DGCR2: variants seen among roughly 807,000 people sequenced by gnomAD.
DGCR2 encodes DiGeorge syndrome critical region gene 2, also known as integral membrane protein DGCR2/IDD.
DGCR2 carries 24 observed loss-of-function variants against 51.6 expected under a neutral mutation model. The observed-to-expected ratio is 0.47, with a 90% CI of 0.34 to 0.65. The LOEUF is 0.65. Among genes scored for constraint, DGCR2 ranks in the 30% least tolerant of loss-of-function variants. The pLI, the probability that DGCR2 is intolerant of heterozygous loss-of-function variation, is 0.01. For synonymous variants in DGCR2, 340 were observed against 315.4 expected (o/e 1.08, Z -0.82); for missense variants, 765 against 772.1 (o/e 0.99, Z 0.11).
chr22:19,063,069 A>C, intron 5 of DGCR2, 133 bp downstream of exon 5: 2 of 769,130 alleles, frequency 2.6e-6, no homozygotes, highest in Non-Finnish European at 4.3e-6. Flanking sequence ...CCCTCCCTGC[A>C]ACTGGGGCTC....
At chr22:19,119,113 C>A (rs1446836771) in intron 1 of DGCR2, among the ~76,000 whole-genome samples, 2 of 152,104 alleles carry the variant, frequency 1.3e-5, no homozygotes, top group Non-Finnish European at 2.9e-5. Flanking sequence ...ACCCTGGGAC[C>A]TAACAGGGGA....
chr22:19,054,033 G>T (rs930943378), intron 6 of DGCR2, among the ~76,000 whole-genome samples: 1 of 152,210 alleles, frequency 6.6e-6, no homozygotes, highest in Non-Finnish European at 1.5e-5. Context: ...CAAGAGACAT[G>T]ATGACTAGAT....
rs117029166 is a variant in DGCR2, at chr22:19,069,562, T to C, written c.203-1337A>G. Among the ~76,000 whole-genome samples the C allele has an allele frequency of 4.5e-4, 68 of 152,372 alleles. No individual in the cohort carries two copies. In the East Asian group the frequency reaches 0.012, roughly 27 times the overall value. ...TACTGGGATCACATCAGACACTCCA[T>C]TTCACGACTTGCTTTGTAAGCTTAA... On this transcript the variant is annotated intron_variant, in intron 2 of 9. Coordinates refer to ENST00000263196, the MANE Select transcript of DGCR2 (RefSeq NM_005137.3).
intron 3 of DGCR2, among the ~76,000 whole-genome samples, chr22:19,065,365 T>C (rs1301034736): frequency 6.6e-6 from 1 of 152,230 alleles, no homozygotes; most frequent in Non-Finnish European, 1.5e-5. Context: ...GTGGATTTCA[T>C]TCTCTGGGTT....
chr22:19,062,892 G>A (rs1044645092), intron 5 of DGCR2, among the ~76,000 whole-genome samples: 26 of 151,714 alleles, frequency 1.7e-4, no homozygotes, highest in Non-Finnish European at 3.8e-4. Context: ...GCCTGCCAGG[G>A]GCACACTCTG....
At position 19,089,368 on chromosome 22, in the gene DGCR2, C is replaced by G; in HGVS notation, c.202G>C (p.Glu68Gln). ...TACCCCGCCTACTCAACACACTCAC[C>G]TGGACAGTTGGCTTCGTCGCTCTCA... ...EDESDEANCP[E>Q]VTGEVRPHHG... is the part of the protein sequence containing the mutation. The change falls in exon 2 of 10, where the codon GAA becomes CAA. Residue 68 changes from glutamate (E) to glutamine (Q), a missense_variant and splice_region_variant. By Grantham distance (29) the Glu-to-Gln change is conservative. This residue lies in a region of DGCR2 where 370 missense variants were observed against 325.5 expected (regional missense o/e 1.14). Coordinates refer to ENST00000263196, the MANE Select transcript of DGCR2 (RefSeq NM_005137.3). 6.2e-7 allele frequency: 1 copy of G among 1,603,340 alleles called. No individual in the cohort carries two copies. The highest frequency in any genetic ancestry group is 8.5e-7 in the Non-Finnish European group (1 of 1,174,240).
intron 1 of DGCR2, 111 bp from the exon 2 acceptor site, chr22:19,089,601 A>G: frequency 8.0e-7 from 1 of 1,242,550 alleles, no homozygotes; most frequent in Non-Finnish European, 1.0e-6. Flanking sequence ...TGTTTTTGAG[A>G]CAGAGTCTCA....
rs928477761 is a variant in DGCR2, at chr22:19,038,086, A to G, written c.*779T>C. ...GCAGAGCATCTGGGGCCTCGGCCCC[A>G]CTCCAGAGCTTCTTCCTGAGGGAGC... is the stretch of plus-strand genomic sequence containing the variant. On this transcript the variant is annotated 3_prime_UTR_variant, in exon 10 of 10. Transcript: ENST00000263196. The G allele has an allele frequency of 2.0e-5, 3 of 152,362 alleles. No homozygotes were observed. Among genetic ancestry groups the G allele is most frequent in the African/African-American group, 2.4e-5 (1 of 41,414 alleles). The allele number at this position is 152,362 out of a possible 1,614,324, so 9.4% of individuals were successfully genotyped here.
At chr22:19,090,811 GAA>G (rs58088390) in intron 1 of DGCR2, among the ~76,000 whole-genome samples, 9 of 147,000 alleles carry the variant, frequency 6.1e-5, no homozygotes, top group Non-Finnish European at 1.0e-4. Flanking sequence ...CCAAAAGAAG[GAA>G]AAAAAAAAGA....
chr22:19,063,860 T>C (rs2082716943), intron 4 of DGCR2, among the ~76,000 whole-genome samples: 1 of 152,186 alleles, frequency 6.6e-6, no homozygotes, highest in Non-Finnish European at 1.5e-5. Flanking sequence ...GTGACTATGC[T>C]AAAACCATAG....
chr22:19,073,890 G>C (rs1308988313), intron 2 of DGCR2, among the ~76,000 whole-genome samples: 4 of 152,178 alleles, frequency 2.6e-5, no homozygotes, highest in African/African-American at 9.7e-5. Flanking sequence ...AACGCAAGGA[G>C]ACACAGGTGA....
intron 2 of DGCR2, among the ~76,000 whole-genome samples, chr22:19,078,658 G>T (rs73877031): frequency 1.3e-5 from 2 of 152,172 alleles, no homozygotes; most frequent in African/African-American, 4.8e-5. Context: ...TAGAGGAAAA[G>T]CTTTCAGTCT....
chr22:19,081,328 TTTTC>T (rs1262845954), intron 2 of DGCR2, among the ~76,000 whole-genome samples: 4 of 152,226 alleles, frequency 2.6e-5, no homozygotes, highest in Admixed American at 6.5e-5. Flanking sequence ...GCGCTTATTT[TTTTC>T]TTTTAGTTTA....
intron 2 of DGCR2, among the ~76,000 whole-genome samples, chr22:19,068,823 T>G (rs2082780836): frequency 6.6e-6 from 1 of 152,268 alleles, no homozygotes; most frequent in African/African-American, 2.4e-5. Flanking sequence ...TCTCAGTGCA[T>G]GGCTAGAAGG....
intron 1 of DGCR2, among the ~76,000 whole-genome samples, chr22:19,101,737 T>TA (rs764584649): frequency 0.016 from 1,787 of 110,970 alleles, 19 homozygotes; most frequent in East Asian, 0.019. Flanking sequence ...GCAAAACTGT[T>TA]AAAAAAAAAA....
rs2082396923 is a variant in DGCR2 at position 19,038,691 on chromosome 22, C to G, written c.*174G>C. 5 of 823,418 alleles carry G rather than the reference C, an allele frequency of 6.1e-6. No homozygotes were observed. The South Asian group carries it at 9.1e-5, about 15-fold the overall frequency. 51.0% of individuals were successfully genotyped at this position (823,418 alleles called of 1,614,324 possible). A position where few individuals can be genotyped will look rare whatever the true frequency, so the allele number is the denominator to read the frequency against. On this transcript the variant is annotated 3_prime_UTR_variant, in exon 10 of 10. Transcript: ENST00000263196. The stretch of plus-strand genomic sequence containing the variant: ...CAAGGAAGCTCGGTGCAGGCCATCA[C>G]TTCTTTTGGCAGAAGGCGGGCTGTG...
At chr22:19,069,975 T>C (rs958623223) in intron 2 of DGCR2, among the ~76,000 whole-genome samples, 4 of 152,172 alleles carry the variant, frequency 2.6e-5, no homozygotes, top group Admixed American at 1.3e-4. Flanking sequence ...TGTTTTTTGG[T>C]AGAGGTGTCT....
chr22:19,041,608 C>A, intron 8 of DGCR2, 199 bp downstream of exon 8: 3 of 665,304 alleles, frequency 4.5e-6, no homozygotes, highest in Non-Finnish European at 7.6e-6. Context: ...CGAGTTCTGC[C>A]CACCCTGTGG....
chr22:19,069,173 G>A (rs576941924), intron 2 of DGCR2, among the ~76,000 whole-genome samples: 2 of 152,362 alleles, frequency 1.3e-5, no homozygotes, highest in East Asian at 3.9e-4. Context: ...ACAGACAGAC[G>A]CCTGCCAGCA....
Sources: gnomAD v4.1 joint callset for allele counts (sites outside exome capture counted in the v4.1 genomes callset) on GRCh38, gnomAD v4.1.1 for gene constraint, gnomAD v4.1.1 regional missense constraint, MANE v1.5 for transcripts, NCBI Gene and HGNC (gene_info 2026-07-23, HGNC 2026-07-21) for gene names.